The following GOLGA3 variants were observed in gnomAD, a reference collection of about 807,000 sequenced individuals.
The protein encoded by GOLGA3 is golgin A3.
Under a neutral mutation model 169.4 loss-of-function variants are expected in GOLGA3, and 75 were observed. The ratio of observed to expected loss-of-function variants is 0.44; its 90% CI spans 0.37 to 0.54. The LOEUF (loss-of-function observed/expected upper bound fraction) is 0.54, where lower values mean the gene tolerates loss of function less well. GOLGA3 is among the 20% of genes least tolerant of loss of function. The pLI, the probability that GOLGA3 is intolerant of heterozygous loss-of-function variation, is 0.00. For missense variants in GOLGA3, 1,899 were observed against 1,930.0 expected, an observed-to-expected ratio of 0.98 and a Z score of 0.30; for synonymous variants, 824 against 822.4, an observed-to-expected ratio of 1.00 and a Z score of -0.03.
intron 1 of GOLGA3, among the ~76,000 whole-genome samples, chr12:132,823,514 G>A (rs756719632): frequency 9.9e-5 from 15 of 152,230 alleles, no homozygotes; most frequent in African/African-American, 1.9e-4. Flanking sequence ...GGCCGGGTGC[G>A]GTGGCTCATG....
chr12:132,780,970 A>T lies in GOLGA3; in HGVS notation c.3466-56T>A. 3 of 1,318,092 alleles carry T rather than the reference A, an allele frequency of 2.3e-6. No homozygotes were observed. The South Asian group carries it at 3.5e-5, about 15-fold the overall frequency. 81.6% of individuals were successfully genotyped at this position (1,318,092 alleles called of 1,614,324 possible). ...AAGGACGTCGAATTACAAACACACAAGGCTGCTACAGCAGGCAACGTGACA... is the reference window on the plus strand; with the variant it reads ...AAGGACGTCGAATTACAAACACACATGGCTGCTACAGCAGGCAACGTGACA... On this transcript the variant is annotated intron_variant, in intron 17 of 23. Coordinates refer to ENST00000450791, the MANE Select transcript of GOLGA3 (RefSeq NM_001389683.1).
Position 132,804,893 on chromosome 12 carries a change from T to G in GOLGA3, c.1420A>C (p.Lys474Gln), listed in dbSNP as rs772137407. ...CGCTCCAGGTCCCAGCACGACTGCT[T>G]CAGGGTGTCCACCTCCGAGCTCAGC... ...DSLSSEVDTL[K>Q]QSCWDLERAM... Residue 474 changes from lysine to glutamine, a missense_variant, in exon 7 of 24, where the codon AAG becomes CAG. Transcript: ENST00000450791. This position sits in a 1 kb window ranked among gnomAD's most constrained non-coding sequence, Gnocchi z 4.1. 6.2e-7 allele frequency: 1 copy of G among 1,614,048 alleles called. No individual in the cohort carries two copies.
In GOLGA3 at chr12:132,782,150, C is replaced by T. The variant is rs189997643; in HGVS notation, c.3465+146G>A. 1.0e-4 allele frequency: 78 copies of T among 773,932 alleles called. No individual in the cohort carries two copies. In the East Asian group the frequency reaches 1.7e-3, roughly 17 times the overall value. The allele number at this position is 773,932 out of a possible 1,614,324, so 47.9% of individuals were successfully genotyped here. On this transcript the variant is annotated intron_variant, in intron 17 of 23. Coordinates refer to ENST00000450791, the MANE Select transcript of GOLGA3 (RefSeq NM_001389683.1). ...TGGGGACCCAGGGCCGTGGGTCACC[C>T]GGACTCCTGAGCCTGTTCTCTCGGC...
intron 13 of GOLGA3, among the ~76,000 whole-genome samples, 190 bp downstream of exon 13, chr12:132,788,837 C>G (rs1051980007): frequency 6.6e-6 from 1 of 152,138 alleles, no homozygotes; most frequent in Non-Finnish European, 1.5e-5. Flanking sequence ...GACCTATGCT[C>G]CAGGTGGGCC....
intron 15 of GOLGA3, among the ~76,000 whole-genome samples, chr12:132,784,703 TCC>T (rs1260673174): frequency 6.9e-6 from 1 of 144,650 alleles, no homozygotes; most frequent in East Asian, 2.0e-4. Flanking sequence ...CATGTTCACA[TCC>T]CACACACCAC....
chr12:132,779,878 ACG>A (rs1566073647), intron 18 of GOLGA3, among the ~76,000 whole-genome samples: 4 of 113,898 alleles, frequency 3.5e-5, no homozygotes, highest in Non-Finnish European at 5.5e-5. Flanking sequence ...TCAGGCACAC[ACG>A]TGTGTACAGA....
At chr12:132,811,537 T>C (rs1266362594) in intron 4 of GOLGA3, among the ~76,000 whole-genome samples, 1 of 152,008 alleles carries the variant, frequency 6.6e-6, no homozygotes, top group Non-Finnish European at 1.5e-5. Flanking sequence ...CTTGGCTCAC[T>C]GCAACCTCTG....
At chr12:132,821,864 A>C (rs60080792) in intron 2 of GOLGA3, 132 bp downstream of exon 2, 323 of 579,696 alleles carry the variant, frequency 5.6e-4, no homozygotes, top group South Asian at 1.6e-3. Flanking sequence ...AAAAAAAAAA[A>C]AAAAAAAAAA....
chr12:132,820,287 TATG>T lies in GOLGA3; in HGVS notation c.133+1706_133+1708del, dbSNP rs374811495. ...CCAGGAGTTCATGGCTGCCGTGAGCTATGATTACACCACTGCACTTCAGCCTGC... is the reference window on the plus strand; with the variant it reads ...CCAGGAGTTCATGGCTGCCGTGAGCTATTACACCACTGCACTTCAGCCTGC... On this transcript the variant is annotated intron_variant, in intron 2 of 23. Transcript: ENST00000450791. 1.6e-3 allele frequency among the ~76,000 whole-genome samples: 237 copies of T among 152,228 alleles called. 1 individual carries two copies. The highest frequency in any genetic ancestry group is 5.5e-3 in the African/African-American group (228 of 41,532).
At chr12:132,805,609 A>G (rs1949356438) in intron 6 of GOLGA3, among the ~76,000 whole-genome samples, 1 of 147,398 alleles carries the variant, frequency 6.8e-6, no homozygotes, top group Non-Finnish European at 1.5e-5. Flanking sequence ...GCGCTCTCCC[A>G]AGGCCTGACA....
chr12:132,783,022 C>G (rs1319462921), intron 16 of GOLGA3, among the ~76,000 whole-genome samples: 2 of 152,172 alleles, frequency 1.3e-5, no homozygotes, highest in Non-Finnish European at 2.9e-5. Flanking sequence ...ATGATGAAAC[C>G]CTGTCTCTAC....
chr12:132,807,385 C>T (rs1949458725), intron 5 of GOLGA3, 97 bp from the exon 6 acceptor site: 1 of 613,748 alleles, frequency 1.6e-6, no homozygotes, highest in Non-Finnish European at 2.7e-6. Context: ...CTGCTGCTCT[C>T]TCCCAATTTT....
intron 17 of GOLGA3, among the ~76,000 whole-genome samples, chr12:132,781,241 C>T (rs577759583): frequency 9.3e-4 from 142 of 152,020 alleles, no homozygotes; most frequent in Non-Finnish European, 1.3e-3. Flanking sequence ...CCCTCCACTC[C>T]GGGCAAGAGC....
In GOLGA3 at chr12:132,770,407, T is replaced by G. The variant is rs539468979; in HGVS notation, c.*2698A>C. On this transcript the variant is annotated 3_prime_UTR_variant, in exon 24 of 24. Transcript: ENST00000450791. The stretch of plus-strand genomic sequence containing the variant: ...GGCCCTGCCAAACCAGAGGGGGCCC[T>G]GGCACCGGCGACCACAGAGCGCTGG... 6.6e-6 allele frequency: 1 copy of G among 151,658 alleles called. No homozygotes were observed. Among genetic ancestry groups the G allele is most frequent in the Non-Finnish European group, 1.5e-5 (1 of 67,924 alleles). The allele number at this position is 151,658 out of a possible 1,614,324, so 9.4% of individuals were successfully genotyped here. A position where few individuals can be genotyped will look rare whatever the true frequency, so the allele number is the denominator to read the frequency against.
intron 17 of GOLGA3, among the ~76,000 whole-genome samples, chr12:132,781,342 ACAGT>A (rs2136305842): frequency 6.6e-6 from 1 of 151,994 alleles, no homozygotes; most frequent in African/African-American, 2.4e-5. Context: ...CAGGCGGATG[ACAGT>A]CAGAAAATCG....
In GOLGA3 at chr12:132,775,277, T is replaced by C. The variant is rs750787704; in HGVS notation, c.4007A>G (p.Gln1336Arg). ...CTTCTGGGTCATGGACAGGTCTTCC[T>C]GGGCCATCTCCAACTCAGACTTGAC... Reference protein sequence around the residue: ...QNVKSELEMAQEDLSMTQKDK... With the variant: ...QNVKSELEMAREDLSMTQKDK... Residue 1336 changes from glutamine (Q) to arginine (R), a missense_variant, in exon 22 of 24, where the codon CAG becomes CGG. Gln to Arg is a conservative substitution (Grantham distance 43). Transcript: ENST00000450791. 1 of 1,612,444 alleles carries C rather than the reference T, an allele frequency of 6.2e-7. No homozygotes were observed. Among genetic ancestry groups the C allele is most frequent in the South Asian group, 1.1e-5 (1 of 90,682 alleles).
At position 132,784,788 on chromosome 12, in the gene GOLGA3, ATG is replaced by A. The variant is rs372979182; in HGVS notation, c.3124-483_3124-482del. ...TTCACACCCCACACCACACATGCACATGTGCTCACACCTCACACTGCATGCAC... is the reference window on the plus strand; with the variant it reads ...TTCACACCCCACACCACACATGCACATGCTCACACCTCACACTGCATGCAC... On this transcript the variant is annotated intron_variant, in intron 15 of 23. Coordinates refer to ENST00000450791, the MANE Select transcript of GOLGA3 (RefSeq NM_001389683.1). 1.4e-3 allele frequency among the ~76,000 whole-genome samples: 99 copies of A among 69,422 alleles called. No homozygotes were observed. The Admixed American group carries it at 0.018, about 13-fold the overall frequency. The allele number at this position is 69,422 out of a possible 152,430, so 45.5% of individuals were successfully genotyped here.
chr12:132,816,675 G>C lies in GOLGA3; in HGVS notation c.271C>G (p.Pro91Ala), dbSNP rs1238078629. ...SLDPTTSPVG[P>A]DASPGVAGFH... is the part of the protein sequence containing the mutation. ...CCAGCCACACCTGGAGAGGCATCAG[G>C]GCCCACTGGGCTTGTGGTGGGATCG... The change falls in exon 3 of 24, where the codon CCT becomes GCT. Residue 91 changes from proline to alanine, a missense_variant. Coordinates refer to ENST00000450791, the MANE Select transcript of GOLGA3 (RefSeq NM_001389683.1). The C allele has an allele frequency of 6.2e-7, 1 of 1,614,164 alleles. No individual in the cohort carries two copies. Among genetic ancestry groups the C allele is most frequent in the East Asian group, 2.2e-5 (1 of 44,876 alleles).
chr12:132,820,313 T>A (rs943450974), intron 2 of GOLGA3, among the ~76,000 whole-genome samples: 2 of 152,248 alleles, frequency 1.3e-5, no homozygotes, highest in African/African-American at 4.8e-5. Context: ...CACTTCAGCC[T>A]GCTCAATGGA....
Sources: gnomAD v4.1 joint callset for allele counts (sites outside exome capture counted in the v4.1 genomes callset) on GRCh38, gnomAD v4.1.1 for gene constraint, Gnocchi (gnomAD v3.1) non-coding constraint, MANE v1.5 for transcripts, NCBI Gene and HGNC (gene_info 2026-07-23, HGNC 2026-07-21) for gene names.